Variants in CTIF observed in about 807,000 individuals in gnomAD.
CTIF encodes CBP80/20-dependent translation initiation factor.
In CTIF, 21 loss-of-function variants were observed where a neutral mutation model predicts 66.0. The ratio of observed to expected loss-of-function variants is 0.32; its 90% confidence interval spans 0.23 to 0.46. CTIF has a LOEUF of 0.46. CTIF is among the 20% of genes least tolerant of loss of function. The pLI, the probability that CTIF is intolerant of heterozygous loss-of-function variation, is 1.00. For missense variants in CTIF, 739 were observed against 812.7 expected, an observed-to-expected ratio of 0.91 and a Z score of 1.10; for synonymous variants, 345 against 326.4, an observed-to-expected ratio of 1.06 and a Z score of -0.62.
At chr18:48,659,923 C>T (rs1262830251) in intron 3 of CTIF, among the ~76,000 whole-genome samples, 1 of 151,990 alleles carries the variant, frequency 6.6e-6, no homozygotes, top group Admixed American at 6.5e-5. Flanking sequence ...CTCTTGATGT[C>T]GTTCAGGGAT....
intron 10 of CTIF, among the ~76,000 whole-genome samples, chr18:48,837,369 C>T (rs80244656): frequency 0.076 from 11,579 of 152,108 alleles, 471 homozygotes; most frequent in Middle Eastern, 0.12. Flanking sequence ...CAGAGGACAC[C>T]GAGACCACTG....
At chr18:48,575,237 T>C (rs2089505230) in intron 1 of CTIF, among the ~76,000 whole-genome samples, 1 of 152,210 alleles carries the variant, frequency 6.6e-6, no homozygotes. Context: ...ATCTTTTACA[T>C]CTTTTCTCAT....
intron 1 of CTIF, among the ~76,000 whole-genome samples, chr18:48,597,557 T>TC (rs1364232856): frequency 8.4e-6 from 1 of 119,162 alleles, no homozygotes; most frequent in Non-Finnish European, 1.8e-5. Flanking sequence ...TGTGGTACCC[T>TC]CCCCCCGCCC....
chr18:48,652,245 A>G (rs1388566591), intron 3 of CTIF, among the ~76,000 whole-genome samples: 1 of 152,210 alleles, frequency 6.6e-6, no homozygotes, highest in Non-Finnish European at 1.5e-5. Context: ...AGCAAGACTA[A>G]TAAAGAAGAA....
At chr18:48,604,634 C>T (rs2090170710) in intron 1 of CTIF, among the ~76,000 whole-genome samples, 1 of 152,108 alleles carries the variant, frequency 6.6e-6, no homozygotes, top group Admixed American at 6.5e-5. Context: ...TTTTTAACAG[C>T]TTTATTCAGA....
intron 1 of CTIF, chr18:48,539,724 A>C (rs1221291555): frequency 2.0e-5 from 3 of 152,610 alleles, no homozygotes; most frequent in African/African-American, 7.2e-5. Flanking sequence ...GGAGGAAAAG[A>C]GCGAGCGCGA....
intron 1 of CTIF, among the ~76,000 whole-genome samples, chr18:48,572,091 C>T (rs1439622490): frequency 6.6e-6 from 1 of 151,834 alleles, no homozygotes; most frequent in African/African-American, 2.4e-5. Context: ...TCCTCCTCCT[C>T]CTCCTTCTCC....
chr18:48,656,146 A>G (rs1208007061), intron 3 of CTIF, among the ~76,000 whole-genome samples: 1 of 152,208 alleles, frequency 6.6e-6, no homozygotes, highest in Non-Finnish European at 1.5e-5. Context: ...CTTCCCAATC[A>G]TTAACAAAGA....
chr18:48,778,313 G>A (rs1247586975), intron 9 of CTIF, among the ~76,000 whole-genome samples: 1 of 152,206 alleles, frequency 6.6e-6, no homozygotes, highest in African/African-American at 2.4e-5. Flanking sequence ...CAAAGGGTAT[G>A]TCATTTATCA....
chr18:48,729,266 G>A (rs12963345), intron 7 of CTIF, among the ~76,000 whole-genome samples: 2 of 151,876 alleles, frequency 1.3e-5, no homozygotes, highest in Non-Finnish European at 2.9e-5. Context: ...ACACACCCAC[G>A]TTCCCCCCAC....
chr18:48,580,408 G>A (rs2089628991), intron 1 of CTIF, among the ~76,000 whole-genome samples: 1 of 152,164 alleles, frequency 6.6e-6, no homozygotes, highest in African/African-American at 2.4e-5. Flanking sequence ...TTAGAATTTA[G>A]TACTGAAGAA....
intron 10 of CTIF, among the ~76,000 whole-genome samples, chr18:48,838,721 G>A (rs1311366265): frequency 6.6e-6 from 1 of 152,196 alleles, no homozygotes; most frequent in East Asian, 1.9e-4. Context: ...TCATTTATTT[G>A]GTGGCCCCTT....
At chr18:48,779,539 C>G (rs960199745) in intron 9 of CTIF, among the ~76,000 whole-genome samples, 2 of 152,234 alleles carry the variant, frequency 1.3e-5, no homozygotes, top group Non-Finnish European at 2.9e-5. Flanking sequence ...AGATAAGAAA[C>G]ATGCCATTTA....
At chr18:48,622,155 C>T (rs2090506862) in intron 2 of CTIF, among the ~76,000 whole-genome samples, 1 of 152,066 alleles carries the variant, frequency 6.6e-6, no homozygotes, top group Admixed American at 6.5e-5. Flanking sequence ...GGATGCTGAG[C>T]CAGGCCAGGA....
rs374736466 is a variant in CTIF, at chr18:48,575,184, C to T, written c.-29+35872C>T. Among the ~76,000 whole-genome samples, 4 of 152,216 alleles carry T rather than the reference C, an allele frequency of 2.6e-5. No homozygotes were observed. In the East Asian group the frequency reaches 5.8e-4, roughly 22 times the overall value. The stretch of plus-strand genomic sequence containing the variant: ...CAGGTCAGCACGTAGGCCTTGAGTC[C>T]AGCCACTTTTGTTGAGTGTTTAAAA... On this transcript the variant is annotated intron_variant, in intron 1 of 11. Transcript: ENST00000256413.
intron 1 of CTIF, among the ~76,000 whole-genome samples, chr18:48,606,971 T>A (rs1348434785): frequency 6.6e-6 from 1 of 152,190 alleles, no homozygotes; most frequent in Non-Finnish European, 1.5e-5. Flanking sequence ...TTATTATCTT[T>A]TATATATTTG....
chr18:48,730,834 G>A (rs1598942037), intron 7 of CTIF, among the ~76,000 whole-genome samples: 1 of 148,988 alleles, frequency 6.7e-6, no homozygotes, highest in Non-Finnish European at 1.5e-5. Flanking sequence ...GGGCTTCCGT[G>A]GTGTGAGGGA....
intron 7 of CTIF, among the ~76,000 whole-genome samples, chr18:48,734,983 A>C (rs567390421): frequency 6.6e-6 from 1 of 152,300 alleles, no homozygotes; most frequent in East Asian, 1.9e-4. Flanking sequence ...GTTTATATGC[A>C]TTTATATGCA....
chr18:48,787,632 GC>G (rs1207261007), intron 9 of CTIF, among the ~76,000 whole-genome samples: 1 of 152,158 alleles, frequency 6.6e-6, no homozygotes, highest in Non-Finnish European at 1.5e-5. Flanking sequence ...GGTTGAGTCT[GC>G]CCCCTCCTGA....
Sources: allele counts gnomAD v4.1 joint callset (sites outside exome capture counted in the v4.1 genomes callset), GRCh38; gene constraint gnomAD v4.1.1; transcripts MANE v1.5; gene names NCBI Gene and HGNC (gene_info 2026-07-23, HGNC 2026-07-21).